Variants in SLC18B1 observed in about 807,000 individuals in gnomAD.
The protein encoded by SLC18B1 is MFS-type transporter SLC18B1.
A neutral mutation model predicts 53.9 loss-of-function variants in SLC18B1; 62 were observed. The observed-to-expected ratio is 1.15, with a 90% CI of 0.94 to 1.42. The LOEUF is 1.42. Ranked by LOEUF, SLC18B1 falls within the 40% of genes most tolerant of loss-of-function variation. The pLI is 0.00. For missense variants in SLC18B1, 598 were observed against 547.3 expected (o/e 1.09, Z -0.93); for synonymous variants, 217 against 200.9 (o/e 1.08, Z -0.68).
rs1029856462 is a variant in SLC18B1 at position 132,771,113 on chromosome 6, T to C, written c.1177A>G (p.Thr393Ala). 3.7e-6 allele frequency: 6 copies of C among 1,614,098 alleles called. No homozygotes were observed. Among genetic ancestry groups the C allele is most frequent in the African/African-American group, 1.3e-5 (1 of 75,054 alleles). ...MWSIGAFMGP[T>A]LGGFLYEKIG... is the part of the protein sequence containing the mutation. ...TTCTCATACAGAAATCCACCCAGCG[T>C]TGGTCCCATAAAAGCACTAACAATA... Residue 393 changes from threonine to alanine, a missense_variant, in exon 12 of 14, where the codon ACG (threonine) becomes GCG (alanine). Thr to Ala is a moderately conservative substitution (Grantham distance 58). Transcript: ENST00000275227.
chr6:132,792,769 G>A (rs1781583185), intron 2 of SLC18B1, among the ~76,000 whole-genome samples: 1 of 152,176 alleles, frequency 6.6e-6, no homozygotes, highest in African/African-American at 2.4e-5. Flanking sequence ...GCAGCCGAAT[G>A]TCATTTTTGG....
intron 13 of SLC18B1, among the ~76,000 whole-genome samples, chr6:132,770,642 A>C (rs1780945928): frequency 6.6e-6 from 1 of 152,162 alleles, no homozygotes; most frequent in Admixed American, 6.5e-5. Context: ...AGGCTGAGGC[A>C]GGAAAACCGC....
At chr6:132,788,718 A>G (rs1223695163) in intron 4 of SLC18B1, among the ~76,000 whole-genome samples, 3 of 151,648 alleles carry the variant, frequency 2.0e-5, no homozygotes, top group Non-Finnish European at 2.9e-5. Flanking sequence ...AGCTATTTGG[A>G]AGGTTGAGGC....
At chr6:132,774,085 C>A (rs1582854251) in intron 9 of SLC18B1, 137 bp downstream of exon 9, 1 of 500,724 alleles carries the variant, frequency 2.0e-6, no homozygotes, top group Non-Finnish European at 3.5e-6. Flanking sequence ...GTCAGCCTAA[C>A]AATTCAATAG....
intron 6 of SLC18B1, among the ~76,000 whole-genome samples, chr6:132,781,155 C>T (rs1781225196): frequency 6.6e-6 from 1 of 152,072 alleles, no homozygotes; most frequent in African/African-American, 2.4e-5. Flanking sequence ...AGAAATAAAT[C>T]ATTATTGCAC....
rs2114694359 is a variant in SLC18B1 at position 132,798,353 on chromosome 6, A to T, written c.43+61T>A. The T allele has an allele frequency of 3.4e-6, 5 of 1,478,714 alleles. 1 individual carries two copies. In the East Asian group the frequency reaches 1.3e-4, roughly 39 times the overall value. 91.6% of individuals were successfully genotyped at this position (1,478,714 alleles called of 1,614,324 possible). Reference sequence around the variant, plus strand: ...GCTATAAGCAATTCAATCGTTGCTAAAGAGACACGCCGGAAGCCGCCGCTG... The same window carrying T: ...GCTATAAGCAATTCAATCGTTGCTATAGAGACACGCCGGAAGCCGCCGCTG... On this transcript the variant is annotated intron_variant, in intron 1 of 13. Coordinates refer to ENST00000275227, the MANE Select transcript of SLC18B1 (RefSeq NM_052831.3).
chr6:132,785,565 C>A (rs959934287), intron 5 of SLC18B1, among the ~76,000 whole-genome samples: 6 of 152,076 alleles, frequency 3.9e-5, no homozygotes, highest in African/African-American at 1.2e-4. Context: ...TCACAATAAG[C>A]CATCCAGATC....
At chr6:132,774,629 C>T (rs1432893343) in intron 8 of SLC18B1, among the ~76,000 whole-genome samples, 2 of 152,222 alleles carry the variant, frequency 1.3e-5, no homozygotes, top group East Asian at 3.9e-4. Context: ...CAGTAACCGG[C>T]CAGGCACGGC....
In SLC18B1 at chr6:132,770,885, C is replaced by A; in HGVS notation, c.1304+5G>T. 1 of 1,606,120 alleles carries A rather than the reference C, an allele frequency of 6.2e-7. No homozygotes were observed. Among genetic ancestry groups the A allele is most frequent in the Non-Finnish European group, 8.5e-7 (1 of 1,177,834 alleles). The stretch of plus-strand genomic sequence containing the variant: ...AGAGAAAAAAAGCCCCAAAATTGAC[C>A]ATACCTTTTTCTCCTTGAATACTCC... On this transcript the variant is annotated splice_donor_5th_base_variant and intron_variant, in intron 13 of 13. Coordinates refer to ENST00000275227, the MANE Select transcript of SLC18B1 (RefSeq NM_052831.3).
At position 132,787,513 on chromosome 6, in the gene SLC18B1, G is replaced by A. The variant is rs376096988; in HGVS notation, c.422C>T (p.Ala141Val). The change falls in exon 5 of 14, where the codon GCA becomes GTA. Residue 141 changes from alanine (A) to valine (V), a missense_variant. Physicochemically the swap from Ala to Val is moderately conservative, Grantham distance 64. Transcript: ENST00000275227. ...AGTCATTGCTGCAGCAAAGCTAACT[G>A]CATCCATTACTCTCACTAGAAAACA... ...AMCFLVRVMD[A>V]VSFAAAMTAS... The A allele has an allele frequency of 1.2e-5, 20 of 1,610,002 alleles. No homozygotes were observed. Among genetic ancestry groups the A allele is most frequent in the Non-Finnish European group, 1.7e-5 (20 of 1,178,334 alleles).
At chr6:132,788,370 T>A (rs1451963523) in intron 4 of SLC18B1, among the ~76,000 whole-genome samples, 1 of 118,642 alleles carries the variant, frequency 8.4e-6, no homozygotes, top group East Asian at 2.0e-4. Context: ...TAGAATATGA[T>A]TTTTTTTAAA....
At chr6:132,791,095 G>C (rs1276741455) in intron 2 of SLC18B1, among the ~76,000 whole-genome samples, 3 of 152,162 alleles carry the variant, frequency 2.0e-5, no homozygotes, top group Non-Finnish European at 4.4e-5. Context: ...TCAGGTTCTA[G>C]CTATAGAAAT....
At position 132,774,111 on chromosome 6, in the gene SLC18B1, T is replaced by C. The variant is rs556508300; in HGVS notation, c.989+111A>G. 4.3e-5 allele frequency: 27 copies of C among 624,530 alleles called. 1 individual carries two copies. In the South Asian group the frequency reaches 8.6e-4, roughly 20 times the overall value. 38.7% of individuals were successfully genotyped at this position (624,530 alleles called of 1,614,324 possible). On this transcript the variant is annotated intron_variant, in intron 9 of 13. Transcript: ENST00000275227. ...AATTCAATAGAGTCCTAAAGTTAAT[T>C]ATTTAAATATTAATGTTCAAAATAC...
At chr6:132,796,835 G>T in intron 2 of SLC18B1, 147 bp downstream of exon 2, 1 of 740,034 alleles carries the variant, frequency 1.4e-6, no homozygotes, top group Non-Finnish European at 1.9e-6. Flanking sequence ...TCTATAAGAA[G>T]TATTCTATTG....
intron 2 of SLC18B1, among the ~76,000 whole-genome samples, chr6:132,791,238 T>C (rs1781517716): frequency 6.6e-6 from 1 of 152,238 alleles, no homozygotes; most frequent in Admixed American, 6.5e-5. Flanking sequence ...AGTGAATATT[T>C]ATGGTCAGAA....
In SLC18B1 at chr6:132,776,313, A is replaced by C; in HGVS notation, c.897+15T>G. On this transcript the variant is annotated intron_variant, in intron 8 of 13. Transcript: ENST00000275227. ...ACATACAAAAGTGACTCAAATATAA[A>C]TTAAGTGTACGTACTGGCCTTTTAT... 6.3e-7 allele frequency: 1 copy of C among 1,588,180 alleles called. No individual in the cohort carries two copies. Among genetic ancestry groups the C allele is most frequent in the South Asian group, 1.1e-5 (1 of 89,274 alleles).
Position 132,792,280 on chromosome 6 carries a change from A to AAAGAAAGAAAGAAAGGAAGG in SLC18B1, c.184-2009_184-2008insCCTTCCTTTCTTTCTTTCTT, listed in dbSNP as rs1554223267. Among the ~76,000 whole-genome samples the AAAGAAAGAAAGAAAGGAAGG allele has an allele frequency of 1.2e-3, 53 of 42,686 alleles. 3 individuals are homozygous for AAAGAAAGAAAGAAAGGAAGG. Among genetic ancestry groups the AAAGAAAGAAAGAAAGGAAGG allele is most frequent in the East Asian group, 2.8e-3 (5 of 1,764 alleles). 28.0% of individuals were successfully genotyped at this position (42,686 alleles called of 152,430 possible). On this transcript the variant is annotated intron_variant, in intron 2 of 13. Coordinates refer to ENST00000275227, the MANE Select transcript of SLC18B1 (RefSeq NM_052831.3). ...GAAAGAAAGAAAGAAAGAAAGAAAG[A>AAAGAAAGAAAGAAAGGAAGG]AAGGAAGAAAGGAAGGAAGGAAGGA... is the stretch of plus-strand genomic sequence containing the variant.
intron 7 of SLC18B1, 54 bp from the exon 8 acceptor site, chr6:132,776,483 C>T: frequency 1.5e-6 from 2 of 1,308,076 alleles, no homozygotes; most frequent in South Asian, 1.3e-5. Flanking sequence ...TTTAAGTAAA[C>T]ATCCCTCTTT....
rs921552370 is a variant in SLC18B1, at chr6:132,777,668, C to T, written c.796-1239G>A. Among the ~76,000 whole-genome samples, 8 of 152,316 alleles carry T rather than the reference C, an allele frequency of 5.3e-5. No individual in the cohort carries two copies. The East Asian group carries it at 5.8e-4, about 11-fold the overall frequency. ...GGAGGAGGTTGCAGTGAGCCGAGAT[C>T]GTGCCATTGCACTCCAGCCTGGGCA... On this transcript the variant is annotated intron_variant, in intron 7 of 13. Transcript: ENST00000275227.
Sources: allele counts gnomAD v4.1 joint callset (sites outside exome capture counted in the v4.1 genomes callset), GRCh38; gene constraint gnomAD v4.1.1; transcripts MANE v1.5; gene names NCBI Gene and HGNC (gene_info 2026-07-23, HGNC 2026-07-21).